Variants in XKR4 observed in about 807,000 individuals in gnomAD.
XKR4 encodes XK related 4, also known as XK-related protein 4.
A neutral mutation model predicts 53.9 loss-of-function variants in XKR4; 12 were observed. The ratio of observed to expected loss-of-function variants is 0.22; its 90% CI spans 0.14 to 0.36. XKR4 has a LOEUF of 0.36. XKR4 is among the 10% of genes least tolerant of loss of function. The pLI is 1.00. For synonymous variants in XKR4, 354 were observed against 362.4 expected (o/e 0.98, Z 0.26); for missense variants, 799 against 859.5 (o/e 0.93, Z 0.88).
chr8:55,188,077 T>A (rs1817401754), intron 1 of XKR4, among the ~76,000 whole-genome samples: 1 of 152,216 alleles, frequency 6.6e-6, no homozygotes, highest in African/African-American at 2.4e-5. Flanking sequence ...GTTAAAGTAA[T>A]GCTGTTAATT....
intron 1 of XKR4, among the ~76,000 whole-genome samples, chr8:55,334,216 A>G (rs1649073307): frequency 3.3e-5 from 5 of 152,220 alleles, no homozygotes; most frequent in Admixed American, 2.6e-4. Context: ...TTTGGTAATC[A>G]CTATGAAGTG....
rs1013940779 is a variant in XKR4 at position 55,452,627 on chromosome 8, C to G, written c.1007-70654C>G. 5 of 1,306,578 alleles carry G rather than the reference C, an allele frequency of 3.8e-6. No individual in the cohort carries two copies. The African/African-American group carries it at 7.2e-5, about 19-fold the overall frequency. 80.9% of individuals were successfully genotyped at this position (1,306,578 alleles called of 1,614,324 possible). A position where few individuals can be genotyped will look rare whatever the true frequency, so the allele number is the denominator to read the frequency against. On this transcript the variant is annotated intron_variant, in intron 2 of 2. Transcript: ENST00000327381. The stretch of plus-strand genomic sequence containing the variant: ...TGTTTATCTGGACGATGTCTGGCAC[C>G]ATGACATGCAGCCCCTTGAGGTGGT...
intron 2 of XKR4, among the ~76,000 whole-genome samples, chr8:55,432,103 A>C (rs548576653): frequency 6.6e-6 from 1 of 152,228 alleles, no homozygotes; most frequent in South Asian, 2.1e-4. Context: ...TGTGGTTGTA[A>C]ATTTTATCCA....
chr8:55,380,192 A>T (rs916043651), intron 2 of XKR4, among the ~76,000 whole-genome samples: 1 of 151,616 alleles, frequency 6.6e-6, no homozygotes, highest in African/African-American at 2.4e-5. Flanking sequence ...ATGTGCTAGC[A>T]TCCTTGAGAA....
At position 55,529,645 on chromosome 8, in the gene XKR4, G is replaced by A. The variant is rs1262852933; in HGVS notation, c.*5418G>A. On this transcript the variant is annotated 3_prime_UTR_variant, in exon 3 of 3. Coordinates refer to ENST00000327381, the MANE Select transcript of XKR4 (RefSeq NM_052898.2). ...AAGGTCCCACAGCTAGGAAACAGTG[G>A]GGCTGAGGGTTGAGCACAGCTTTCA... 1 of 152,158 alleles carries A rather than the reference G, an allele frequency of 6.6e-6. No individual in the cohort carries two copies. Among genetic ancestry groups the A allele is most frequent in the Non-Finnish European group, 1.5e-5 (1 of 68,028 alleles). The allele number at this position is 152,158 out of a possible 1,614,324, so 9.4% of individuals were successfully genotyped here. A position where few individuals can be genotyped will look rare whatever the true frequency, so the allele number is the denominator to read the frequency against.
intron 2 of XKR4, chr8:55,452,928 C>T (rs1805477019): frequency 1.3e-6 from 1 of 793,012 alleles, no homozygotes; most frequent in Non-Finnish European, 2.2e-6. Flanking sequence ...GAACACTGTG[C>T]TCTCCTCCTT....
chr8:55,364,711 C>T (rs1317014957), intron 2 of XKR4, among the ~76,000 whole-genome samples: 2 of 152,148 alleles, frequency 1.3e-5, no homozygotes, highest in African/African-American at 4.8e-5. Context: ...TGGCTCACTG[C>T]AACCTCTGCC....
At chr8:55,518,470 T>C (rs1806748067) in intron 2 of XKR4, among the ~76,000 whole-genome samples, 1 of 152,190 alleles carries the variant, frequency 6.6e-6, no homozygotes, top group Non-Finnish European at 1.5e-5. Context: ...AACAAGTATT[T>C]ATCCCCGCCT....
intron 2 of XKR4, among the ~76,000 whole-genome samples, chr8:55,489,637 A>G (rs1806244936): frequency 6.6e-6 from 1 of 152,104 alleles, no homozygotes; most frequent in African/African-American, 2.4e-5. Context: ...AATATTTTAT[A>G]CTAGATCTAT....
chr8:55,142,044 T>G (rs893712160), intron 1 of XKR4: 2 of 455,206 alleles, frequency 4.4e-6, no homozygotes, highest in African/African-American at 4.0e-5. Flanking sequence ...CTCAGAGCCC[T>G]GCCACCCCCA....
At chr8:55,453,955 C>T in intron 2 of XKR4, 2 of 692,318 alleles carry the variant, frequency 2.9e-6, no homozygotes, top group Non-Finnish European at 5.4e-6. Context: ...CCTCCACCAG[C>T]CCACACTGGC....
intron 2 of XKR4, among the ~76,000 whole-genome samples, chr8:55,365,195 C>T (rs1422173448): frequency 6.6e-6 from 1 of 152,170 alleles, no homozygotes; most frequent in Non-Finnish European, 1.5e-5. Context: ...AGGCTGCAGC[C>T]GGCTCCACTC....
At position 55,110,739 on chromosome 8, in the gene XKR4, A is replaced by G. The variant is rs188511640; in HGVS notation, c.806+7445A>G. Among the ~76,000 whole-genome samples the G allele has an allele frequency of 1.6e-3, 250 of 152,296 alleles. 3 individuals are homozygous for G. The highest frequency in any genetic ancestry group is 5.2e-3 in the Admixed American group (79 of 15,298). On this transcript the variant is annotated intron_variant, in intron 1 of 2. Transcript: ENST00000327381. The stretch of plus-strand genomic sequence containing the variant: ...AGAAGCTATCTGATAGGTATTTTTC[A>G]TTGAATTCTTACCTATACTTGACTA...
intron 1 of XKR4, among the ~76,000 whole-genome samples, chr8:55,305,389 AC>A (rs1303449250): frequency 6.6e-6 from 1 of 151,994 alleles, no homozygotes; most frequent in Non-Finnish European, 1.5e-5. Context: ...TGCTCTAGGG[AC>A]CCAGAGAAAG....
At chr8:55,497,709 C>G (rs938875532) in intron 2 of XKR4, among the ~76,000 whole-genome samples, 1 of 152,208 alleles carries the variant, frequency 6.6e-6, no homozygotes. Flanking sequence ...TCTCCTATTT[C>G]GAGCCTGCTG....
rs76480690 is a variant in XKR4 at position 55,231,656 on chromosome 8, T to C, written c.807-126022T>C. On this transcript the variant is annotated intron_variant, in intron 1 of 2. Coordinates refer to ENST00000327381, the MANE Select transcript of XKR4 (RefSeq NM_052898.2). ...TTTTTTTCAAAGGAATTACCAGGCT[T>C]GGGATGTTTAATCTTGGCAGATGGA... Among the ~76,000 whole-genome samples the C allele has an allele frequency of 4.6e-3, 700 of 152,074 alleles. 6 individuals are homozygous for C. Among genetic ancestry groups the C allele is most frequent in the African/African-American group, 0.016 (652 of 41,494 alleles).
In XKR4 at chr8:55,103,154, C is replaced by T. The variant is rs762741688; in HGVS notation, c.666C>T (p.Ser222=). ...PQRQASNASK[S]NIAAANSGSN... is the part of the protein sequence containing the mutation. ...GGCAAGCATCTAACGCCAGCAAGAGCAACATCGCCGCGGCCAACAGCGGCA... is the reference window on the plus strand; with the variant it reads ...GGCAAGCATCTAACGCCAGCAAGAGTAACATCGCCGCGGCCAACAGCGGCA... Residue 222 remains serine, a synonymous_variant, in exon 1 of 3, where the codon AGC becomes AGT. Transcript: ENST00000327381. 16 of 1,614,036 alleles carry T rather than the reference C, an allele frequency of 9.9e-6. 1 individual carries two copies. The South Asian group carries it at 1.5e-4, about 16-fold the overall frequency.
chr8:55,445,718 A>T (rs1805337466), intron 2 of XKR4, among the ~76,000 whole-genome samples: 2 of 152,316 alleles, frequency 1.3e-5, no homozygotes, highest in South Asian at 4.1e-4. Flanking sequence ...CCCCTAGTCA[A>T]ATCAGAAGAT....
At chr8:55,245,635 T>C (rs1466458170) in intron 1 of XKR4, among the ~76,000 whole-genome samples, 1 of 152,126 alleles carries the variant, frequency 6.6e-6, no homozygotes, top group Non-Finnish European at 1.5e-5. Context: ...GCAGAATTCT[T>C]AAATTTTCCA....
Sources: gnomAD v4.1 joint callset for allele counts (sites outside exome capture counted in the v4.1 genomes callset) on GRCh38, gnomAD v4.1.1 for gene constraint, MANE v1.5 for transcripts, NCBI Gene and HGNC (gene_info 2026-07-23, HGNC 2026-07-21) for gene names.